Variants in SYNE2 observed in about 807,000 individuals in gnomAD.
SYNE2 encodes spectrin repeat containing nuclear envelope protein 2, also known as nesprin-2.
A neutral mutation model predicts 856.3 loss-of-function variants in SYNE2; 431 were observed. That is an observed-to-expected ratio of 0.50 (90% CI 0.47 to 0.55). The LOEUF (loss-of-function observed/expected upper bound fraction) is 0.55. Among genes scored for constraint, SYNE2 ranks in the 20% least tolerant of loss-of-function variants. The probability of loss-of-function intolerance (pLI) is 0.00; values close to 1 mark genes in which losing one functional copy is unlikely to be tolerated. For missense variants in SYNE2, 8,129 were observed against 8,023.2 expected (o/e 1.01, Z -0.50); for synonymous variants, 2,923 against 2,872.3 (o/e 1.02, Z -0.56).
chr14:63,857,172 A>G (rs1892019943), intron 1 of SYNE2, among the ~76,000 whole-genome samples: 1 of 152,128 alleles, frequency 6.6e-6, no homozygotes, highest in African/African-American at 2.4e-5. Flanking sequence ...CCAGCCAATG[A>G]TAGCTTTCTG....
intron 1 of SYNE2, among the ~76,000 whole-genome samples, chr14:63,775,286 A>G (rs1566558859): frequency 6.7e-6 from 1 of 149,712 alleles, no homozygotes; most frequent in Non-Finnish European, 1.5e-5. Context: ...TTATTTACTT[A>G]TTTTTTGAGA....
intron 1 of SYNE2, among the ~76,000 whole-genome samples, chr14:63,879,833 T>C (rs1481601506): frequency 6.6e-6 from 1 of 152,248 alleles, no homozygotes; most frequent in Non-Finnish European, 1.5e-5. Flanking sequence ...ATTCAACAAA[T>C]GAGCCAAGGT....
At position 64,161,345 on chromosome 14, in the gene SYNE2, G is replaced by GA. The variant is rs769939533; in HGVS notation, c.16095-714dup. ...GGCAACAGAGCAAGACCCTGTTTCA[G>GA]AAAAAAAAAAAAAGTAGGGAAGAAA... On this transcript the variant is annotated intron_variant, in intron 87 of 115. Transcript: ENST00000555002. Among the ~76,000 whole-genome samples, 1,051 of 123,218 alleles carry GA rather than the reference G, an allele frequency of 8.5e-3. 3 individuals carry two copies. Among genetic ancestry groups the GA allele is most frequent in the African/African-American group, 0.023 (768 of 33,354 alleles). The allele number at this position is 123,218 out of a possible 152,430, so 80.8% of individuals were successfully genotyped here. A position where few individuals can be genotyped will look rare whatever the true frequency, so the allele number is the denominator to read the frequency against.
intron 94 of SYNE2, 78 bp downstream of exon 94, chr14:64,170,540 T>G: frequency 6.4e-6 from 9 of 1,403,332 alleles, no homozygotes; most frequent in Non-Finnish European, 8.9e-6. Flanking sequence ...TTTGGTTTAA[T>G]GTTTTTGATG....
chr14:63,930,284 T>G lies in SYNE2; in HGVS notation c.80-10330T>G, dbSNP rs72718328. On this transcript the variant is annotated intron_variant, in intron 2 of 115. Coordinates refer to ENST00000555002, the MANE Select transcript of SYNE2 (RefSeq NM_182914.3). ...CTGGGCCATACGGTGAGACCCTGTC[T>G]CAAAAAAAAAAAAAAAAGCAATGAG... 2.9e-3 allele frequency among the ~76,000 whole-genome samples: 376 copies of G among 129,974 alleles called. 2 individuals carry two copies. The highest frequency in any genetic ancestry group is 5.7e-3 in the East Asian group (25 of 4,370). The allele number at this position is 129,974 out of a possible 152,430, so 85.3% of individuals were successfully genotyped here. A position where few individuals can be genotyped will look rare whatever the true frequency, so the allele number is the denominator to read the frequency against.
intron 1 of SYNE2, among the ~76,000 whole-genome samples, chr14:63,834,373 TA>T (rs377254087): frequency 8.6e-4 from 131 of 152,076 alleles, no homozygotes; most frequent in African/African-American, 3.0e-3. Context: ...AGAAAAAATT[TA>T]AAAAAAGAAA....
chr14:63,830,011 A>G (rs1889609129), intron 1 of SYNE2, among the ~76,000 whole-genome samples: 1 of 152,232 alleles, frequency 6.6e-6, no homozygotes, highest in African/African-American at 2.4e-5. Flanking sequence ...AATAAGTGGC[A>G]TATATTCTAT....
At chr14:64,138,077 C>T (rs2098110621) in intron 79 of SYNE2, 94 bp downstream of exon 79, 4 of 1,421,272 alleles carry the variant, frequency 2.8e-6, no homozygotes, top group Non-Finnish European at 3.9e-6. Flanking sequence ...TGCAACCCAC[C>T]TTATGCTGTT....
At position 63,882,174 on chromosome 14, in the gene SYNE2, G is replaced by GA. The variant is rs1389700170; in HGVS notation, c.-51-26923dup. 2.6e-5 allele frequency among the ~76,000 whole-genome samples: 4 copies of GA among 152,260 alleles called. No individual in the cohort carries two copies. In the East Asian group the frequency reaches 5.8e-4, roughly 22 times the overall value. On this transcript the variant is annotated intron_variant, in intron 1 of 115. Transcript: ENST00000555002. Reference sequence around the variant, plus strand: ...CATGGTATGGGAACACGGAAAGGGGGATGAGAAGCAGTCAGCTCTTTCCAT... The same window carrying GA: ...CATGGTATGGGAACACGGAAAGGGGGAATGAGAAGCAGTCAGCTCTTTCCAT...
At chr14:63,911,874 G>A (rs2095477353) in intron 2 of SYNE2, among the ~76,000 whole-genome samples, 1 of 152,164 alleles carries the variant, frequency 6.6e-6, no homozygotes, top group African/African-American at 2.4e-5. Context: ...GTTTCTTATA[G>A]CATGTTTTGA....
intron 1 of SYNE2, among the ~76,000 whole-genome samples, chr14:63,822,803 A>C (rs1301224251): frequency 6.6e-6 from 1 of 152,200 alleles, no homozygotes; most frequent in East Asian, 1.9e-4. Context: ...GTAGACACCT[A>C]TATTTAAAAA....
intron 1 of SYNE2, among the ~76,000 whole-genome samples, chr14:63,812,847 A>G (rs894863533): frequency 6.6e-6 from 1 of 152,194 alleles, no homozygotes; most frequent in African/African-American, 2.4e-5. Flanking sequence ...ATGTATACCT[A>G]TGTAACAAAC....
At chr14:63,923,976 T>TTA (rs111232735) in intron 2 of SYNE2, among the ~76,000 whole-genome samples, 23,904 of 151,692 alleles carry the variant, frequency 0.16, 2,823 homozygotes, top group African/African-American at 0.34. Context: ...TTTTTTGTTT[T>TTA]TTTTTATTTT....
In SYNE2 at chr14:64,122,441, T is replaced by C; in HGVS notation, c.13422+14T>C. The C allele has an allele frequency of 6.2e-7, 1 of 1,614,194 alleles. No individual in the cohort carries two copies. Among genetic ancestry groups the C allele is most frequent in the Non-Finnish European group, 8.5e-7 (1 of 1,180,016 alleles). Reference sequence around the variant, plus strand: ...GTGGAGCCTCAGGTCAGTCTGTATCTACATGGTGCAAATAGCCTGTTTATC... The same window carrying C: ...GTGGAGCCTCAGGTCAGTCTGTATCCACATGGTGCAAATAGCCTGTTTATC... On this transcript the variant is annotated intron_variant, in intron 70 of 115. Coordinates refer to ENST00000555002, the MANE Select transcript of SYNE2 (RefSeq NM_182914.3).
chr14:64,124,482 G>T (rs1595686403), intron 70 of SYNE2, among the ~76,000 whole-genome samples: 1 of 145,896 alleles, frequency 6.9e-6, no homozygotes, highest in South Asian at 2.2e-4. Context: ...ACCTCTACTT[G>T]CAAAGTACTA....
chr14:63,948,782 G>GTGTATATATATATA (rs1454688156), intron 6 of SYNE2, among the ~76,000 whole-genome samples: 3 of 43,894 alleles, frequency 6.8e-5, no homozygotes, highest in African/African-American at 2.4e-4. Flanking sequence ...ATGTGTGTGT[G>GTGTATATATATATA]TATATATATA....
chr14:64,152,532 G>A, intron 84 of SYNE2, 32 bp from the exon 85 acceptor site: 1 of 1,611,832 alleles, frequency 6.2e-7, no homozygotes, highest in Non-Finnish European at 8.5e-7. Context: ...GTAATATTGT[G>A]CATTGAAAAC....
At chr14:64,029,290 G>A (rs541219948) in intron 43 of SYNE2, among the ~76,000 whole-genome samples, 3 of 152,166 alleles carry the variant, frequency 2.0e-5, no homozygotes, top group Non-Finnish European at 4.4e-5. Context: ...GCAGAAGTTG[G>A]GCAGGGGTTA....
intron 1 of SYNE2, among the ~76,000 whole-genome samples, chr14:63,810,642 G>C (rs1251185523): frequency 6.6e-6 from 1 of 152,110 alleles, no homozygotes; most frequent in African/African-American, 2.4e-5. Context: ...TGATAAGGAT[G>C]ATTATAGTTT....
Sources: allele counts gnomAD v4.1 joint callset (sites outside exome capture counted in the v4.1 genomes callset), GRCh38; gene constraint gnomAD v4.1.1; transcripts MANE v1.5; gene names NCBI Gene and HGNC (gene_info 2026-07-23, HGNC 2026-07-21).